CCDC171: variants seen among roughly 807,000 people sequenced by gnomAD.
The protein encoded by CCDC171 is coiled-coil domain-containing protein 171.
In CCDC171, 177 loss-of-function variants were observed where a neutral mutation model predicts 168.2. The ratio of observed to expected loss-of-function variants is 1.05; its 90% CI spans 0.93 to 1.19. The LOEUF is 1.19. CCDC171 is among the 50% of genes most tolerant of loss of function. The pLI is 0.00. For missense variants in CCDC171, 1,991 were observed against 1,539.0 expected, an observed-to-expected ratio of 1.29 and a Z score of -4.91; for synonymous variants, 687 against 540.8, an observed-to-expected ratio of 1.27 and a Z score of -3.75.
At chr9:15,927,403 C>A (rs747783001) in intron 25 of CCDC171, among the ~76,000 whole-genome samples, 2 of 151,566 alleles carry the variant, frequency 1.3e-5, no homozygotes, top group African/African-American at 4.8e-5. Flanking sequence ...ACCAGCACAC[C>A]CACAGCTATG....
intron 7 of CCDC171, among the ~76,000 whole-genome samples, chr9:15,625,960 T>A (rs1215946569): frequency 5.9e-5 from 9 of 152,194 alleles, no homozygotes; most frequent in South Asian, 2.1e-4. Flanking sequence ...GCGTGGAATG[T>A]TCTTCCATTT....
intron 24 of CCDC171, among the ~76,000 whole-genome samples, chr9:15,912,061 G>T (rs1053975996): frequency 1.3e-5 from 2 of 152,194 alleles, no homozygotes; most frequent in Non-Finnish European, 2.9e-5. Flanking sequence ...GAAATTTAAA[G>T]TAGTGTTTTT....
intron 6 of CCDC171, among the ~76,000 whole-genome samples, chr9:15,605,641 C>T (rs755443883): frequency 8.7e-4 from 129 of 148,648 alleles, no homozygotes; most frequent in Non-Finnish European, 1.5e-3. Flanking sequence ...GAGCCAAGGT[C>T]GCACCACTGC....
chr9:15,891,495 G>A (rs1419648873), intron 24 of CCDC171, among the ~76,000 whole-genome samples: 3 of 152,138 alleles, frequency 2.0e-5, no homozygotes, highest in African/African-American at 4.8e-5. Context: ...GTCGATTATG[G>A]AACAGACACA....
chr9:15,956,533 A>G (rs1009677464), intron 25 of CCDC171, among the ~76,000 whole-genome samples: 2 of 152,116 alleles, frequency 1.3e-5, no homozygotes, highest in South Asian at 2.1e-4. Context: ...CCTTTTCTTT[A>G]TATAACATTG....
chr9:15,776,626 C>G (rs1348596205), intron 18 of CCDC171, among the ~76,000 whole-genome samples: 1 of 152,116 alleles, frequency 6.6e-6, no homozygotes, highest in Non-Finnish European at 1.5e-5. Context: ...GAATGAAGCT[C>G]AAATTTTATA....
At chr9:15,930,838 C>T (rs562681398) in intron 25 of CCDC171, among the ~76,000 whole-genome samples, 1 of 151,760 alleles carries the variant, frequency 6.6e-6, no homozygotes, top group South Asian at 2.1e-4. Context: ...TGAACTGACA[C>T]ATTATAATTG....
Position 15,571,768 on chromosome 9 carries a change from T to C in CCDC171, c.177+9T>C. 6.4e-7 allele frequency: 1 copy of C among 1,562,084 alleles called. No individual in the cohort carries two copies. Among genetic ancestry groups the C allele is most frequent in the Non-Finnish European group, 8.6e-7 (1 of 1,165,180 alleles). Reference sequence around the variant, plus strand: ...CCAAACACAATGCAGAGGTACGATTTATTTTCCTCTCAAATAATGTTAAAA... The same window carrying C: ...CCAAACACAATGCAGAGGTACGATTCATTTTCCTCTCAAATAATGTTAAAA... On this transcript the variant is annotated intron_variant, in intron 3 of 25. Coordinates refer to ENST00000380701, the MANE Select transcript of CCDC171 (RefSeq NM_173550.4).
rs961025773 is a variant in CCDC171, at chr9:16,015,026, T to G, written n.369-5563T>G. 3.3e-5 allele frequency among the ~76,000 whole-genome samples: 5 copies of G among 152,330 alleles called. No homozygotes were observed. The Middle Eastern group carries it at 0.01, about 311-fold the overall frequency. On this transcript the variant is annotated intron_variant and non_coding_transcript_variant, in intron 3 of 9. Transcript: ENST00000486641. ...GACTGTTTCGTCTACATTAAAAATC[T>G]GTTGGTGTGCTGCACACCAACATGG...
chr9:16,049,564 G>A (rs1427143499), intron 1 of CCDC171, among the ~76,000 whole-genome samples: 1 of 152,154 alleles, frequency 6.6e-6, no homozygotes, highest in Admixed American at 6.5e-5. Context: ...GAACTTCAGG[G>A]TAGCCGGTCT....
Position 15,846,727 on chromosome 9 carries a change from T to C in CCDC171, c.3293T>C (p.Leu1098Pro). 6.2e-7 allele frequency: 1 copy of C among 1,613,096 alleles called. No individual in the cohort carries two copies. Residue 1098 changes from leucine (L) to proline (P), a missense_variant, in exon 22 of 26, where the codon CTG (leucine) becomes CCG (proline). Leu to Pro is a moderately conservative substitution (Grantham distance 98). Coordinates refer to ENST00000380701, the MANE Select transcript of CCDC171 (RefSeq NM_173550.4). The stretch of plus-strand genomic sequence containing the variant: ...AGTCTCTCCGAGGCAAAGATGGAGC[T>C]GAGAAGAAAAGATCAATCTCTGCGT... Reference protein sequence around the residue: ...VKSLSEAKMELRRKDQSLRQL... With the variant: ...VKSLSEAKMEPRRKDQSLRQL...
intron 3 of CCDC171, among the ~76,000 whole-genome samples, chr9:16,015,887 G>A (rs560684868): frequency 6.6e-6 from 1 of 152,196 alleles, no homozygotes; most frequent in East Asian, 1.9e-4. Context: ...TTTATGTCTG[G>A]CTTATTTCAC....
At chr9:16,001,398 A>G (rs930775255) in intron 3 of CCDC171, among the ~76,000 whole-genome samples, 7 of 149,942 alleles carry the variant, frequency 4.7e-5, no homozygotes, top group Non-Finnish European at 8.9e-5. Context: ...TCTCATATGT[A>G]TGTGTGTGTG....
chr9:15,929,169 A>G (rs1826221804), intron 25 of CCDC171, among the ~76,000 whole-genome samples: 1 of 151,752 alleles, frequency 6.6e-6, no homozygotes, highest in Non-Finnish European at 1.5e-5. Context: ...AAGAAGTGCC[A>G]GAATTAAAAT....
chr9:15,884,548 A>G (rs1218535672), intron 24 of CCDC171, among the ~76,000 whole-genome samples: 5 of 152,174 alleles, frequency 3.3e-5, no homozygotes, highest in Non-Finnish European at 7.3e-5. Flanking sequence ...ACAGCATAGT[A>G]TTTGGAAAAG....
rs554900906 is a variant in CCDC171, at chr9:15,571,599, A to T, written c.42-25A>T. 33 of 1,505,712 alleles carry T rather than the reference A, an allele frequency of 2.2e-5. No individual in the cohort carries two copies. In the African/African-American group the frequency reaches 4.4e-4, roughly 20 times the overall value. 93.3% of individuals were successfully genotyped at this position (1,505,712 alleles called of 1,614,324 possible). On this transcript the variant is annotated intron_variant, in intron 2 of 25. Transcript: ENST00000380701. ...AATGTGCTTTATGAGAAGCATATAC[A>T]TTTTACTGTAATCTCATTTTAAAGG...
chr9:15,945,828 G>A (rs1433613553), intron 25 of CCDC171, among the ~76,000 whole-genome samples: 2 of 151,672 alleles, frequency 1.3e-5, no homozygotes, highest in Admixed American at 1.3e-4. Flanking sequence ...CATTTTGTGG[G>A]TTGCCTGTTC....
At chr9:15,913,423 T>C (rs1011452078) in intron 24 of CCDC171, among the ~76,000 whole-genome samples, 28 of 152,228 alleles carry the variant, frequency 1.8e-4, no homozygotes, top group Non-Finnish European at 3.8e-4. Context: ...GTCTCTTTTC[T>C]TCTTTATTTG....
At chr9:15,953,737 T>G (rs1231210727) in intron 25 of CCDC171, among the ~76,000 whole-genome samples, 1 of 152,168 alleles carries the variant, frequency 6.6e-6, no homozygotes, top group Admixed American at 6.5e-5. Flanking sequence ...TGGAAGAGTT[T>G]GAGGAGGACT....
Sources: allele counts gnomAD v4.1 joint callset (sites outside exome capture counted in the v4.1 genomes callset), GRCh38; gene constraint gnomAD v4.1.1; transcripts MANE v1.5; gene names NCBI Gene and HGNC (gene_info 2026-07-23, HGNC 2026-07-21).